Variants in MARCHF1 observed in about 807,000 individuals in gnomAD.
MARCHF1 encodes the protein E3 ubiquitin-protein ligase MARCHF1.
In MARCHF1, 40 loss-of-function variants were observed where a neutral mutation model predicts 54.2. The ratio of observed to expected loss-of-function variants is 0.74; its 90% CI spans 0.57 to 0.96. The LOEUF (loss-of-function observed/expected upper bound fraction) is 0.96, where lower values mean the gene tolerates loss of function less well. MARCHF1 is among the 40% of genes least tolerant of loss of function. The pLI is 0.00. For missense variants in MARCHF1, 586 were observed against 656.5 expected, an observed-to-expected ratio of 0.89 and a Z score of 1.17; for synonymous variants, 236 against 236.3, an observed-to-expected ratio of 1.00 and a Z score of 0.01.
chr4:164,201,699 G>A (rs150431325), intron 1 of MARCHF1, among the ~76,000 whole-genome samples: 1 of 152,282 alleles, frequency 6.6e-6, no homozygotes, highest in African/African-American at 2.4e-5. Context: ...TAACATACGG[G>A]TACTTGGTTT....
intron 8 of MARCHF1, among the ~76,000 whole-genome samples, chr4:163,565,869 T>C (rs954805291): frequency 6.6e-6 from 1 of 152,186 alleles, no homozygotes; most frequent in African/African-American, 2.4e-5. Flanking sequence ...AAATAAGGAT[T>C]ACCACAACAA....
intron 1 of MARCHF1, among the ~76,000 whole-genome samples, chr4:164,137,103 T>C (rs1252619377): frequency 3.9e-5 from 6 of 152,228 alleles, no homozygotes; most frequent in Admixed American, 6.5e-5. Flanking sequence ...AATTTGAACA[T>C]GCCAAGCTTT....
At chr4:163,964,703 T>C (rs976542405) in intron 3 of MARCHF1, among the ~76,000 whole-genome samples, 1 of 151,998 alleles carries the variant, frequency 6.6e-6, no homozygotes, top group Non-Finnish European at 1.5e-5. Context: ...CTTGTTTCTA[T>C]AACCCTTTTT....
At chr4:163,565,747 T>A (rs752877741) in intron 8 of MARCHF1, among the ~76,000 whole-genome samples, 1 of 152,176 alleles carries the variant, frequency 6.6e-6, no homozygotes, top group Non-Finnish European at 1.5e-5. Flanking sequence ...TGAAAGTCGA[T>A]CCTGCTAAGA....
intron 2 of MARCHF1, among the ~76,000 whole-genome samples, chr4:164,081,979 G>T (rs1304125246): frequency 6.6e-6 from 1 of 152,104 alleles, no homozygotes; most frequent in South Asian, 2.1e-4. Context: ...CACACCATCT[G>T]GCTGGCAAAC....
rs552822966 is a variant in MARCHF1 at position 163,694,133 on chromosome 4, C to T, written c.162+6680G>A. On this transcript the variant is annotated intron_variant, in intron 5 of 9. Transcript: ENST00000514618. ...TGTCTTTTAAGTTTCTCCTCAGAAA[C>T]GGTGGCCAATCATCATCTATACAAA... Among the ~76,000 whole-genome samples the T allele has an allele frequency of 8.5e-5, 13 of 152,254 alleles. No homozygotes were observed. The South Asian group carries it at 2.3e-3, about 27-fold the overall frequency.
At chr4:163,747,260 C>G (rs1213896114) in intron 4 of MARCHF1, among the ~76,000 whole-genome samples, 3 of 152,162 alleles carry the variant, frequency 2.0e-5, no homozygotes, top group Non-Finnish European at 2.9e-5. Flanking sequence ...TCTACATTAG[C>G]TGACTGGAAC....
chr4:164,343,128 T>TA, intron 1 of MARCHF1, among the ~76,000 whole-genome samples: 1 of 152,294 alleles, frequency 6.6e-6, no homozygotes, highest in Middle Eastern at 3.4e-3. Flanking sequence ...GAGTAGCTCT[T>TA]ATGTATTCTC....
intron 4 of MARCHF1, among the ~76,000 whole-genome samples, chr4:163,770,893 C>T (rs756369510): frequency 1.3e-4 from 19 of 151,990 alleles, no homozygotes; most frequent in Non-Finnish European, 2.2e-4. Context: ...TATATGGGCA[C>T]GAGTGTTAAC....
chr4:164,181,153 C>G (rs765154583), intron 1 of MARCHF1, among the ~76,000 whole-genome samples: 5 of 152,126 alleles, frequency 3.3e-5, no homozygotes, highest in Non-Finnish European at 7.4e-5. Flanking sequence ...CCTTCTTTAG[C>G]TCCTCATACC....
At chr4:163,884,233 AC>A (rs1157621329) in intron 3 of MARCHF1, among the ~76,000 whole-genome samples, 1 of 152,170 alleles carries the variant, frequency 6.6e-6, no homozygotes, top group African/African-American at 2.4e-5. Context: ...ATGCCCTGGG[AC>A]CTGAGGATCA....
At chr4:163,678,168 A>G (rs1743980114) in intron 5 of MARCHF1, among the ~76,000 whole-genome samples, 1 of 152,164 alleles carries the variant, frequency 6.6e-6, no homozygotes, top group African/African-American at 2.4e-5. Flanking sequence ...TATTTCTTAT[A>G]CTAAAACATG....
chr4:163,794,804 TA>T (rs1196097451), intron 4 of MARCHF1, among the ~76,000 whole-genome samples: 1 of 152,194 alleles, frequency 6.6e-6, no homozygotes, highest in African/African-American at 2.4e-5. Context: ...ATGTGAGCTT[TA>T]AAAAATTTTA....
At chr4:164,308,519 G>T (rs1431316582) in intron 1 of MARCHF1, among the ~76,000 whole-genome samples, 1 of 151,776 alleles carries the variant, frequency 6.6e-6, no homozygotes. Flanking sequence ...AGCTCACCTT[G>T]CACTCCTTGC....
At chr4:163,886,242 G>A (rs1434734968) in intron 3 of MARCHF1, among the ~76,000 whole-genome samples, 1 of 150,074 alleles carries the variant, frequency 6.7e-6, no homozygotes, top group African/African-American at 2.4e-5. Flanking sequence ...TTGATATAGA[G>A]ATAGGTATAG....
At chr4:163,678,786 A>G (rs1743999984) in intron 5 of MARCHF1, among the ~76,000 whole-genome samples, 1 of 152,188 alleles carries the variant, frequency 6.6e-6, no homozygotes, top group Non-Finnish European at 1.5e-5. Context: ...GCTTTAACAA[A>G]ATTTAAGTTC....
chr4:163,960,883 A>G (rs895293162), intron 3 of MARCHF1, among the ~76,000 whole-genome samples: 3 of 151,460 alleles, frequency 2.0e-5, no homozygotes, highest in Non-Finnish European at 4.4e-5. Flanking sequence ...TAGGGACTAG[A>G]CGTCCAAAAT....
intron 3 of MARCHF1, among the ~76,000 whole-genome samples, chr4:163,904,274 CT>C (rs1182598469): frequency 7.9e-5 from 12 of 152,310 alleles, no homozygotes; most frequent in African/African-American, 2.4e-4. Flanking sequence ...AGCTGAACAA[CT>C]TCCAGTTAAT....
intron 1 of MARCHF1, among the ~76,000 whole-genome samples, chr4:164,220,111 TCA>T (rs1434550463): frequency 6.6e-6 from 1 of 151,712 alleles, no homozygotes; most frequent in Non-Finnish European, 1.5e-5. Flanking sequence ...GCACTTGAAA[TCA>T]CATTTATCTG....
Sources: gnomAD v4.1 joint callset for allele counts (sites outside exome capture counted in the v4.1 genomes callset) on GRCh38, gnomAD v4.1.1 for gene constraint, MANE v1.5 for transcripts, NCBI Gene and HGNC (gene_info 2026-07-23, HGNC 2026-07-21) for gene names.